KALRN: variants seen among roughly 807,000 people sequenced by gnomAD.
The protein encoded by KALRN is kalirin.
Under a neutral mutation model 353.7 loss-of-function variants are expected in KALRN, and 70 were observed. The observed-to-expected ratio is 0.20, with a 90% CI of 0.16 to 0.24. The LOEUF (loss-of-function observed/expected upper bound fraction) is 0.24. KALRN is among the 10% of genes least tolerant of loss of function. The pLI, the probability that KALRN is intolerant of heterozygous loss-of-function variation, is 1.00. For missense variants in KALRN, 2,791 were observed against 3,756.7 expected (o/e 0.74, Z 6.72); for synonymous variants, 1,391 against 1,434.8 (o/e 0.97, Z 0.69).
intron 32 of KALRN, among the ~76,000 whole-genome samples, chr3:124,494,486 C>T (rs1169772138): frequency 6.6e-6 from 1 of 152,146 alleles, no homozygotes; most frequent in African/African-American, 2.4e-5. Flanking sequence ...CCAGATAATC[C>T]AAAACAACAG....
intron 10 of KALRN, among the ~76,000 whole-genome samples, chr3:124,352,358 G>A (rs1189182704): frequency 2.0e-5 from 3 of 152,096 alleles, no homozygotes; most frequent in Non-Finnish European, 4.4e-5. Context: ...AAGTGCCTGT[G>A]GTTTACATAA....
At chr3:124,280,608 T>C (rs2075252167) in intron 5 of KALRN, among the ~76,000 whole-genome samples, 2 of 152,056 alleles carry the variant, frequency 1.3e-5, no homozygotes, top group South Asian at 4.2e-4. Context: ...CTTGCACAGG[T>C]GAGAATGAGA....
intron 1 of KALRN, among the ~76,000 whole-genome samples, chr3:124,114,436 C>T (rs986936027): frequency 2.6e-5 from 4 of 152,152 alleles, no homozygotes; most frequent in Non-Finnish European, 4.4e-5. Flanking sequence ...CATATGGGGA[C>T]AGATGATGCT....
At chr3:124,434,270 G>T (rs774476459) in intron 16 of KALRN, 37 bp from the exon 17 acceptor site, 93 of 1,580,088 alleles carry the variant, frequency 5.9e-5, no homozygotes, top group Non-Finnish European at 7.8e-5. Flanking sequence ...CGCCTGGGTT[G>T]TTCCCACGGA....
At chr3:124,535,315 C>A (rs555311980) in intron 33 of KALRN, among the ~76,000 whole-genome samples, 1 of 152,194 alleles carries the variant, frequency 6.6e-6, no homozygotes, top group East Asian at 1.9e-4. Context: ...TCCAAGTGTT[C>A]CCTGTATTCA....
intron 34 of KALRN, chr3:124,584,643 G>T: frequency 2.1e-6 from 3 of 1,408,530 alleles, no homozygotes; most frequent in Non-Finnish European, 2.8e-6. Flanking sequence ...GCCCCTCCCC[G>T]CTTCCCAAGG....
Position 124,228,060 on chromosome 3 carries a change from G to A in KALRN, c.144G>A (p.Val48=). 2 of 1,612,772 alleles carry A rather than the reference G, an allele frequency of 1.2e-6. No homozygotes were observed. Among genetic ancestry groups the A allele is most frequent in the Non-Finnish European group, 1.7e-6 (2 of 1,178,788 alleles). Residue 48 remains valine, a synonymous_variant, in exon 2 of 60, where the codon GTG becomes GTA. Transcript: ENST00000682506. ...TCCTAAAGGAAAAGGTGGCCTTCGT[G>A]TCTGGTGAGTATTTGTGGGACTTTC... ...LPILKEKVAF[V]SGGRDKRGGP... is the part of the protein sequence containing the mutation.
intron 3 of KALRN, among the ~76,000 whole-genome samples, chr3:124,261,927 A>G (rs1454856295): frequency 6.6e-6 from 1 of 152,244 alleles, no homozygotes; most frequent in African/African-American, 2.4e-5. Context: ...TGATAGAAAG[A>G]TGGACAAAAG....
intron 6 of KALRN, among the ~76,000 whole-genome samples, chr3:124,308,135 C>T (rs1304196141): frequency 6.6e-6 from 1 of 151,938 alleles, no homozygotes; most frequent in South Asian, 2.1e-4. Flanking sequence ...ACTATAAGCA[C>T]ATATACACCT....
At chr3:124,056,596 A>G (rs141060263) in intron 1 of KALRN, among the ~76,000 whole-genome samples, 185 of 152,306 alleles carry the variant, frequency 1.2e-3, no homozygotes, top group Non-Finnish European at 1.5e-3. Context: ...TCCTTTGCTT[A>G]TCTCAACTCT....
intron 51 of KALRN, among the ~76,000 whole-genome samples, chr3:124,693,139 G>A (rs2061899645): frequency 6.6e-6 from 1 of 152,180 alleles, no homozygotes. Context: ...GAAGTGGAAA[G>A]GGTTGGAATG....
At chr3:124,519,772 T>C in intron 33 of KALRN, 1 of 985,470 alleles carries the variant, frequency 1.0e-6, no homozygotes, top group South Asian at 4.7e-5. Context: ...CACGGGCATT[T>C]GCATGACTGA....
chr3:124,255,993 T>C (rs981251040), intron 3 of KALRN, among the ~76,000 whole-genome samples: 20 of 152,106 alleles, frequency 1.3e-4, no homozygotes, highest in African/African-American at 4.3e-4. Context: ...GATCAGGCAA[T>C]AATGTAGAAG....
intron 5 of KALRN, among the ~76,000 whole-genome samples, chr3:124,289,330 A>G (rs573856877): frequency 1.3e-5 from 2 of 152,188 alleles, no homozygotes; most frequent in Admixed American, 6.5e-5. Flanking sequence ...CTGTGTGACT[A>G]TAGATAGTCC....
At chr3:124,253,474 G>A (rs893665849) in intron 3 of KALRN, among the ~76,000 whole-genome samples, 1 of 152,172 alleles carries the variant, frequency 6.6e-6, no homozygotes, top group African/African-American at 2.4e-5. Flanking sequence ...GGTACTAAAG[G>A]CTGCCCAGGC....
chr3:124,254,951 TA>T (rs1477842570), intron 3 of KALRN, among the ~76,000 whole-genome samples: 3 of 122,508 alleles, frequency 2.4e-5, no homozygotes, highest in African/African-American at 8.0e-5. Context: ...TATATATATA[TA>T]TTTTTTTTTT....
chr3:124,703,073 C>T (rs905243401), intron 57 of KALRN, among the ~76,000 whole-genome samples: 48 of 152,226 alleles, frequency 3.2e-4, no homozygotes, highest in South Asian at 1.5e-3. Flanking sequence ...TACCCACTAA[C>T]GATGGGCCAT....
At chr3:124,416,803 A>C (rs2092528418) in intron 14 of KALRN, among the ~76,000 whole-genome samples, 1 of 152,260 alleles carries the variant, frequency 6.6e-6, no homozygotes, top group Non-Finnish European at 1.5e-5. Flanking sequence ...GTCTTTGTTT[A>C]ATGGACTGTA....
chr3:124,108,709 C>G (rs934741778), intron 1 of KALRN, among the ~76,000 whole-genome samples: 2 of 152,178 alleles, frequency 1.3e-5, no homozygotes, highest in African/African-American at 4.8e-5. Flanking sequence ...TCACAGCTCT[C>G]TACTGAACCA....
Sources: gnomAD v4.1 joint callset for allele counts (sites outside exome capture counted in the v4.1 genomes callset) on GRCh38, gnomAD v4.1.1 for gene constraint, MANE v1.5 for transcripts, NCBI Gene and HGNC (gene_info 2026-07-23, HGNC 2026-07-21) for gene names.